The following GPR149 variants were observed in gnomAD, a reference collection of about 807,000 sequenced individuals.
GPR149 encodes the protein probable G protein-coupled receptor 149.
In GPR149, 50 loss-of-function variants were observed where a neutral mutation model predicts 50.2. That is an observed-to-expected ratio of 1.00 (90% CI 0.79 to 1.26). GPR149 has a LOEUF of 1.26. GPR149 is among the 50% of genes most tolerant of loss of function. The pLI is 0.00. For synonymous variants in GPR149, 405 were observed against 358.2 expected (o/e 1.13, Z -1.48); for missense variants, 983 against 895.4 (o/e 1.10, Z -1.25).
At chr3:154,416,576 A>C (rs1179153232) in intron 3 of GPR149, among the ~76,000 whole-genome samples, 1 of 151,910 alleles carries the variant, frequency 6.6e-6, no homozygotes, top group Non-Finnish European at 1.5e-5. Flanking sequence ...AAAATACTAT[A>C]GAAACCAACG....
chr3:154,426,871 CGTGT>C (rs61087162), intron 2 of GPR149, among the ~76,000 whole-genome samples: 8,072 of 144,426 alleles, frequency 0.056, 264 homozygotes, highest in East Asian at 0.097. Context: ...TGGACCAGGG[CGTGT>C]GTGTGTGTGT....
At chr3:154,407,693 T>TAC (rs1175398541) in intron 3 of GPR149, among the ~76,000 whole-genome samples, 3,568 of 140,040 alleles carry the variant, frequency 0.025, 77 homozygotes, top group Non-Finnish European at 0.039. Context: ...GTCATGTGTA[T>TAC]ACACACACAC....
intron 3 of GPR149, chr3:154,354,217 A>G: frequency 2.0e-6 from 1 of 491,548 alleles, no homozygotes; most frequent in Admixed American, 3.0e-5. Flanking sequence ...CTGGGTCATA[A>G]TGGTGCCTTG....
At chr3:154,403,542 T>C (rs1711601439) in intron 3 of GPR149, among the ~76,000 whole-genome samples, 1 of 152,170 alleles carries the variant, frequency 6.6e-6, no homozygotes. Flanking sequence ...TATATAGCTT[T>C]GTTCTTTAAA....
At chr3:154,383,873 A>G (rs1714991174) in intron 3 of GPR149, among the ~76,000 whole-genome samples, 1 of 152,092 alleles carries the variant, frequency 6.6e-6, no homozygotes, top group Non-Finnish European at 1.5e-5. Context: ...CCCTTTCTCT[A>G]CCATGCGACG....
chr3:154,343,658 C>T (rs1713855500), intron 3 of GPR149, among the ~76,000 whole-genome samples: 2 of 152,082 alleles, frequency 1.3e-5, no homozygotes, highest in African/African-American at 4.8e-5. Context: ...TAGCTAATTT[C>T]CCATTCACAT....
At chr3:154,397,991 T>C (rs2108416372) in intron 3 of GPR149, among the ~76,000 whole-genome samples, 1 of 152,330 alleles carries the variant, frequency 6.6e-6, no homozygotes, top group Non-Finnish European at 1.5e-5. Flanking sequence ...GAAATTACAA[T>C]ACAAAGTAAT....
intron 3 of GPR149, among the ~76,000 whole-genome samples, chr3:154,341,292 CATATATATATATAT>C (rs373212063): frequency 0.023 from 1,648 of 72,896 alleles, 57 homozygotes; most frequent in Non-Finnish European, 0.028. Flanking sequence ...AAAAATAAGA[CATATATATATATAT>C]ATATATATAT....
At chr3:154,416,223 G>T (rs1401614437) in intron 3 of GPR149, among the ~76,000 whole-genome samples, 1 of 151,752 alleles carries the variant, frequency 6.6e-6, no homozygotes, top group East Asian at 1.9e-4. Flanking sequence ...AATTAATTTT[G>T]CCCTGCACTT....
intron 3 of GPR149, among the ~76,000 whole-genome samples, chr3:154,357,929 G>T (rs1259593316): frequency 1.4e-4 from 22 of 152,162 alleles, no homozygotes. Context: ...AGAAAATGTG[G>T]CACATATACA....
At chr3:154,403,655 A>C (rs1013752453) in intron 3 of GPR149, among the ~76,000 whole-genome samples, 3 of 152,234 alleles carry the variant, frequency 2.0e-5, no homozygotes, top group African/African-American at 7.2e-5. Context: ...AGCACAAGCG[A>C]GTTGCCCAAA....
chr3:154,388,464 T>C (rs531853512), intron 3 of GPR149, among the ~76,000 whole-genome samples: 2 of 152,294 alleles, frequency 1.3e-5, no homozygotes, highest in East Asian at 3.9e-4. Flanking sequence ...TCCCCAGCTT[T>C]CCACTGTTCT....
Position 154,338,259 on chromosome 3 carries a change from C to T in GPR149, c.1636G>A (p.Ala546Thr), listed in dbSNP as rs1200638787. The stretch of plus-strand genomic sequence containing the variant: ...AATGCACACAAGGGAATGGCAAGGG[C>T]ATAACCGGAACGCTGGGGACAAAAA... The part of the protein sequence containing the change: ...ERTPRQRSGY[A>T]LAIPLCAFQG... Residue 546 changes from alanine to threonine, a missense_variant, in exon 4 of 4, where the codon GCC becomes ACC. Transcript: ENST00000389740. 1.3e-6 allele frequency: 2 copies of T among 1,563,590 alleles called. No individual in the cohort carries two copies. The highest frequency in any genetic ancestry group is 1.4e-5 in the African/African-American group (1 of 72,726).
At position 154,429,261 on chromosome 3, in the gene GPR149, T is replaced by C; in HGVS notation, c.355A>G (p.Ser119Gly). The change falls in exon 1 of 4, where the codon AGC becomes GGC. Residue 119 changes from serine (S) to glycine (G), a missense_variant. Transcript: ENST00000389740. ...ACTAGGAGAGTCGCCTTCAAGTTGCTAGAGAGGCCCTGGCATAAATACATT... is the reference window on the plus strand; with the variant it reads ...ACTAGGAGAGTCGCCTTCAAGTTGCCAGAGAGGCCCTGGCATAAATACATT... ...ALMYLCQGLS[S>G]NLKATLLVSY... 6.2e-7 allele frequency: 1 copy of C among 1,614,140 alleles called. No homozygotes were observed. The highest frequency in any genetic ancestry group is 8.5e-7 in the Non-Finnish European group (1 of 1,180,032).
chr3:154,427,763 A>T (rs1306435353), intron 1 of GPR149, 55 bp from the exon 2 acceptor site: 1 of 1,497,920 alleles, frequency 6.7e-7, no homozygotes, highest in African/African-American at 1.4e-5. Flanking sequence ...TGTACTTCTC[A>T]AGCCTTTTCT....
intron 2 of GPR149, 89 bp downstream of exon 2, chr3:154,427,427 C>T (rs1173812475): frequency 1.4e-5 from 16 of 1,114,812 alleles, no homozygotes; most frequent in Non-Finnish European, 1.7e-5. Flanking sequence ...ACTCTCCATC[C>T]CCTACTGAGG....
Position 154,429,454 on chromosome 3 carries a change from T to A in GPR149, c.162A>T (p.Ser54=). 2.5e-6 allele frequency: 4 copies of A among 1,614,128 alleles called. No homozygotes were observed. The highest frequency in any genetic ancestry group is 2.5e-6 in the Non-Finnish European group (3 of 1,180,036). Residue 54 remains serine (S), a synonymous_variant, in exon 1 of 4, where the codon TCA becomes TCT. Transcript: ENST00000389740. ...TCTGCATTTTCAGCAGGGAAATTAG[T>A]GAATAAATGCTGCCCACCAAGGCTG... ...TFAALVGSIY[S]LISLLKMQNR... is the part of the protein sequence containing the mutation.
At chr3:154,400,021 C>G (rs969924425) in intron 3 of GPR149, among the ~76,000 whole-genome samples, 5 of 152,156 alleles carry the variant, frequency 3.3e-5, no homozygotes, top group African/African-American at 1.2e-4. Context: ...GAGTCTCACT[C>G]TGTTGCCCAG....
intron 3 of GPR149, among the ~76,000 whole-genome samples, chr3:154,391,312 G>T (rs912748594): frequency 6.6e-6 from 1 of 151,270 alleles, no homozygotes; most frequent in African/African-American, 2.4e-5. Flanking sequence ...GTGTGTGGGG[G>T]GTTTGTGGGG....
Sources: gnomAD v4.1 joint callset for allele counts (sites outside exome capture counted in the v4.1 genomes callset) on GRCh38, gnomAD v4.1.1 for gene constraint, MANE v1.5 for transcripts, NCBI Gene and HGNC (gene_info 2026-07-23, HGNC 2026-07-21) for gene names.